KATNA1: variants seen among roughly 807,000 people sequenced by gnomAD.
The protein encoded by KATNA1 is katanin catalytic subunit A1, also known as katanin p60 ATPase-containing subunit A1.
Under a neutral mutation model 62.6 loss-of-function variants are expected in KATNA1, and 42 were observed. That is an observed-to-expected ratio of 0.67 (90% CI 0.52 to 0.87). KATNA1 has a LOEUF of 0.87. Ranked by LOEUF, KATNA1 falls within the 40% of genes least tolerant of loss-of-function variation. The pLI is 0.00. For synonymous variants in KATNA1, 186 were observed against 201.9 expected (o/e 0.92, Z 0.67); for missense variants, 498 against 612.5 (o/e 0.81, Z 1.97).
chr6:149,614,951 A>C (rs1779103547), intron 4 of KATNA1, among the ~76,000 whole-genome samples: 1 of 152,132 alleles, frequency 6.6e-6, no homozygotes, highest in South Asian at 2.1e-4. Flanking sequence ...CCTGACCAAC[A>C]TGGTGAAACC....
chr6:149,623,294 A>C lies in KATNA1; in HGVS notation c.321-11T>G. 6.4e-7 allele frequency: 1 copy of C among 1,571,614 alleles called. No individual in the cohort carries two copies. Among genetic ancestry groups the C allele is most frequent in the Non-Finnish European group, 8.6e-7 (1 of 1,164,306 alleles). ...GGTCCTGGTGAGGGTCTAATCAAAC[A>C]AAAACTCATTAATATCATAATCAAC... On this transcript the variant is annotated splice_polypyrimidine_tract_variant and intron_variant, in intron 3 of 10. Coordinates refer to ENST00000367411, the MANE Select transcript of KATNA1 (RefSeq NM_007044.4).
rs1032905324 is a variant in KATNA1, at chr6:149,637,840, C to G, written c.162+546G>C. On this transcript the variant is annotated intron_variant, in intron 2 of 10. Transcript: ENST00000367411. ...AAAAAACAAAACAAAAAAAACCCCTCTTATTAGATTCCAGCAATTAGAATT... is the reference window on the plus strand; with the variant it reads ...AAAAAACAAAACAAAAAAAACCCCTGTTATTAGATTCCAGCAATTAGAATT... Among the ~76,000 whole-genome samples, 9 of 152,070 alleles carry G rather than the reference C, an allele frequency of 5.9e-5. No individual in the cohort carries two copies. In the East Asian group the frequency reaches 1.3e-3, roughly 23 times the overall value.
chr6:149,602,921 A>G (rs1435586725), intron 6 of KATNA1, among the ~76,000 whole-genome samples: 1 of 151,720 alleles, frequency 6.6e-6, no homozygotes, highest in East Asian at 1.9e-4. Context: ...GGGTTTCTCC[A>G]TGTTGGTCAG....
chr6:149,619,369 C>G (rs1481476900), intron 4 of KATNA1, among the ~76,000 whole-genome samples: 1 of 152,056 alleles, frequency 6.6e-6, no homozygotes, highest in African/African-American at 2.4e-5. Context: ...TCACAGCACT[C>G]TGGGAGGCTG....
chr6:149,604,837 G>T, intron 4 of KATNA1, 55 bp from the exon 5 acceptor site: 1 of 1,560,186 alleles, frequency 6.4e-7, no homozygotes, highest in Non-Finnish European at 8.7e-7. Flanking sequence ...GTTTCTGTGA[G>T]TCGGAAACAC....
chr6:149,601,285 CAT>C (rs1050274971), intron 7 of KATNA1, among the ~76,000 whole-genome samples: 3 of 152,144 alleles, frequency 2.0e-5, no homozygotes, highest in Non-Finnish European at 4.4e-5. Flanking sequence ...CTGTGGTTAT[CAT>C]ATTATAACTA....
intron 3 of KATNA1, among the ~76,000 whole-genome samples, chr6:149,624,598 T>C (rs2114580859): frequency 6.6e-6 from 1 of 152,122 alleles, no homozygotes; most frequent in Middle Eastern, 3.4e-3. Context: ...TAGGCTAGTA[T>C]CAAACCCCTG....
intron 1 of KATNA1, among the ~76,000 whole-genome samples, chr6:149,641,514 A>T (rs1780290072): frequency 6.6e-6 from 1 of 152,104 alleles, no homozygotes; most frequent in Non-Finnish European, 1.5e-5. Flanking sequence ...TCTAAACAGA[A>T]ATAATTCCAA....
At chr6:149,628,885 A>C (rs1036069703) in intron 3 of KATNA1, among the ~76,000 whole-genome samples, 1 of 152,144 alleles carries the variant, frequency 6.6e-6, no homozygotes, top group Non-Finnish European at 1.5e-5. Context: ...GACTAATAGA[A>C]AAATAAAAAG....
intron 2 of KATNA1, among the ~76,000 whole-genome samples, chr6:149,633,559 C>T (rs1281430544): frequency 6.8e-6 from 1 of 147,532 alleles, no homozygotes; most frequent in Non-Finnish European, 1.5e-5. Context: ...GGTAAAAACC[C>T]CATCTCTACT....
At chr6:149,626,790 C>T (rs2114588685) in intron 3 of KATNA1, among the ~76,000 whole-genome samples, 1 of 147,248 alleles carries the variant, frequency 6.8e-6, no homozygotes, top group African/African-American at 2.5e-5. Flanking sequence ...TCGAGAACAG[C>T]CTGGCCAACA....
intron 2 of KATNA1, among the ~76,000 whole-genome samples, chr6:149,635,260 G>C (rs1780025013): frequency 6.6e-6 from 1 of 152,058 alleles, no homozygotes; most frequent in East Asian, 1.9e-4. Flanking sequence ...CTGGGGAACA[G>C]ACCGAGACTC....
intron 4 of KATNA1, among the ~76,000 whole-genome samples, chr6:149,620,147 A>G (rs1194581554): frequency 6.6e-6 from 1 of 152,202 alleles, no homozygotes; most frequent in Non-Finnish European, 1.5e-5. Context: ...TTGATCTCAT[A>G]GACGTACAGA....
In KATNA1 at chr6:149,604,759, T is replaced by C. The variant is rs745463006; in HGVS notation, c.525A>G (p.Thr175=). The change falls in exon 5 of 11, where the codon ACA becomes ACG. Residue 175 remains threonine, a synonymous_variant. Coordinates refer to ENST00000367411, the MANE Select transcript of KATNA1 (RefSeq NM_007044.4). The part of the protein sequence containing the change: ...EEKNKSPAAV[T]EPETNKFDST... ...TATCAAATTTATTTGTCTCTGGTTCTGTTACTGCAGCAGGTGATTTGTTCT... is the reference window on the plus strand; with the variant it reads ...TATCAAATTTATTTGTCTCTGGTTCCGTTACTGCAGCAGGTGATTTGTTCT... 12 of 1,613,704 alleles carry C rather than the reference T, an allele frequency of 7.4e-6. No individual in the cohort carries two copies. Among genetic ancestry groups the C allele is most frequent in the African/African-American group, 1.3e-5 (1 of 75,052 alleles).
chr6:149,597,335 CTTT>C (rs764723569), intron 9 of KATNA1, 146 bp from the exon 10 acceptor site: 3 of 1,212,430 alleles, frequency 2.5e-6, no homozygotes, highest in Non-Finnish European at 2.3e-6. Flanking sequence ...CCATTCTTTA[CTTT>C]TTAATTCCTT....
chr6:149,594,893 C>G lies in KATNA1; in HGVS notation c.*143G>C, dbSNP rs1170860481. 1 of 595,784 alleles carries G rather than the reference C, an allele frequency of 1.7e-6. No homozygotes were observed. Among genetic ancestry groups the G allele is most frequent in the Non-Finnish European group, 2.8e-6 (1 of 362,754 alleles). The allele number at this position is 595,784 out of a possible 1,614,324, so 36.9% of individuals were successfully genotyped here. ...ACAAATTTTCAGCTTAAAAATATTG[C>G]CTTTATTCAGAATCATAAGGGTTTT... On this transcript the variant is annotated 3_prime_UTR_variant, in exon 11 of 11. Coordinates refer to ENST00000367411, the MANE Select transcript of KATNA1 (RefSeq NM_007044.4).
chr6:149,598,617 G>C (rs111709072), intron 7 of KATNA1, among the ~76,000 whole-genome samples: 4,455 of 152,026 alleles, frequency 0.029, 194 homozygotes, highest in African/African-American at 0.1. Flanking sequence ...AGCTACTCAG[G>C]AGGCTAGGTG....
chr6:149,602,866 C>G (rs1012050579), intron 6 of KATNA1, among the ~76,000 whole-genome samples: 7 of 152,042 alleles, frequency 4.6e-5, no homozygotes, highest in African/African-American at 1.7e-4. Context: ...GGATTACAGG[C>G]ACGCACAACC....
At chr6:149,626,238 T>TTTTGTCATTAC (rs1196267613) in intron 3 of KATNA1, among the ~76,000 whole-genome samples, 1 of 151,578 alleles carries the variant, frequency 6.6e-6, no homozygotes, top group Non-Finnish European at 1.5e-5. Flanking sequence ...ACAAACCTTT[T>TTTTGTCATTAC]TTTGTCATTA....
Sources: allele counts gnomAD v4.1 joint callset (sites outside exome capture counted in the v4.1 genomes callset), GRCh38; gene constraint gnomAD v4.1.1; transcripts MANE v1.5; gene names NCBI Gene and HGNC (gene_info 2026-07-23, HGNC 2026-07-21).